GLG1: variants seen among roughly 807,000 people sequenced by gnomAD.
GLG1 encodes golgi glycoprotein 1.
In GLG1, 38 loss-of-function variants were observed where a neutral mutation model predicts 160.5. That is an observed-to-expected ratio of 0.24 (90% CI 0.18 to 0.31). GLG1 has a LOEUF of 0.31. GLG1 is among the 10% of genes least tolerant of loss of function. The probability of loss-of-function intolerance (pLI) is 1.00; values close to 1 mark genes in which losing one functional copy is unlikely to be tolerated. For synonymous variants in GLG1, 644 were observed against 543.4 expected, an observed-to-expected ratio of 1.19 and a Z score of -2.57; for missense variants, 1,373 against 1,505.2, an observed-to-expected ratio of 0.91 and a Z score of 1.45.
In GLG1 at chr16:74,519,346, C is replaced by A. The variant is rs183457677; in HGVS notation, c.472-10421G>T. 2.1e-3 allele frequency among the ~76,000 whole-genome samples: 283 copies of A among 136,152 alleles called. 4 individuals carry two copies. The East Asian group carries it at 0.049, about 23-fold the overall frequency. 89.3% of individuals were successfully genotyped at this position (136,152 alleles called of 152,430 possible). ...ACTGGGGCCTTTTGGGGGTGGGGGG[C>A]TAGGGGAGGGATAACATTAGGAGAA... On this transcript the variant is annotated intron_variant, in intron 2 of 25. Coordinates refer to ENST00000422840, the MANE Select transcript of GLG1 (RefSeq NM_001145667.2).
At chr16:74,513,648 G>C (rs572823330) in intron 2 of GLG1, among the ~76,000 whole-genome samples, 1 of 152,226 alleles carries the variant, frequency 6.6e-6, no homozygotes, top group East Asian at 1.9e-4. Flanking sequence ...CCATTCGTAG[G>C]TCACCAACAT....
At chr16:74,536,210 A>T (rs2017682853) in intron 1 of GLG1, among the ~76,000 whole-genome samples, 1 of 152,148 alleles carries the variant, frequency 6.6e-6, no homozygotes, top group African/African-American at 2.4e-5. Context: ...ACTTCATCAG[A>T]TATAGTACAT....
At chr16:74,601,013 CTTGA>C (rs760705087) in intron 1 of GLG1, among the ~76,000 whole-genome samples, 2 of 152,062 alleles carry the variant, frequency 1.3e-5, no homozygotes, top group East Asian at 3.9e-4. Context: ...TCAATAATGA[CTTGA>C]TTATGTGGTT....
intron 4 of GLG1, 77 bp downstream of exon 4, chr16:74,503,454 C>T: frequency 1.0e-6 from 1 of 971,004 alleles, no homozygotes; most frequent in Non-Finnish European, 1.6e-6. Context: ...CTAAATTTTT[C>T]CCATGTCAGT....
At chr16:74,520,125 T>C (rs2017114627) in intron 2 of GLG1, among the ~76,000 whole-genome samples, 2 of 152,252 alleles carry the variant, frequency 1.3e-5, no homozygotes, top group African/African-American at 4.8e-5. Context: ...CAAAATGTTC[T>C]GCTGTGTCCA....
At chr16:74,595,380 A>G (rs1365814064) in intron 1 of GLG1, among the ~76,000 whole-genome samples, 2 of 151,230 alleles carry the variant, frequency 1.3e-5, no homozygotes, top group Non-Finnish European at 2.9e-5. Context: ...TACTAAACAT[A>G]CAAAAAATTA....
chr16:74,528,701 A>T (rs2017423023), intron 2 of GLG1, among the ~76,000 whole-genome samples: 2 of 149,614 alleles, frequency 1.3e-5, no homozygotes, highest in South Asian at 4.3e-4. Flanking sequence ...AATCCCAGCT[A>T]CTCAGGAGGC....
intron 1 of GLG1, among the ~76,000 whole-genome samples, chr16:74,546,877 G>GT (rs537447550): frequency 1.7e-3 from 234 of 140,766 alleles, no homozygotes; most frequent in Non-Finnish European, 2.9e-3. Flanking sequence ...CTAGAAGTGG[G>GT]TAACATGTGA....
chr16:74,569,423 C>T (rs1567529793), intron 1 of GLG1, among the ~76,000 whole-genome samples: 1 of 152,212 alleles, frequency 6.6e-6, no homozygotes, highest in Non-Finnish European at 1.5e-5. Flanking sequence ...TATACCTGAA[C>T]TGAACAATGC....
At chr16:74,489,608 G>A (rs2015911692) in intron 8 of GLG1, among the ~76,000 whole-genome samples, 1 of 152,168 alleles carries the variant, frequency 6.6e-6, no homozygotes, top group Non-Finnish European at 1.5e-5. Context: ...TGGCACAGAG[G>A]TTTCCCAAGG....
intron 2 of GLG1, among the ~76,000 whole-genome samples, chr16:74,521,029 T>C (rs2017146988): frequency 6.6e-6 from 1 of 152,114 alleles, no homozygotes; most frequent in Non-Finnish European, 1.5e-5. Flanking sequence ...AGTAGGGGAA[T>C]GGGGTACTAT....
At chr16:74,572,767 T>C (rs1438072352) in intron 1 of GLG1, among the ~76,000 whole-genome samples, 1 of 152,128 alleles carries the variant, frequency 6.6e-6, no homozygotes, top group African/African-American at 2.4e-5. Context: ...CTCTAGCAAA[T>C]TCACTGAACC....
intron 2 of GLG1, among the ~76,000 whole-genome samples, chr16:74,516,837 T>C (rs1280001595): frequency 6.6e-6 from 1 of 150,966 alleles, no homozygotes; most frequent in Non-Finnish European, 1.5e-5. Context: ...GAGACAAGAA[T>C]CAAATAGACA....
rs2014232377 is a variant in GLG1 at position 74,450,186 on chromosome 16, TCTATTA to T, written c.*2975_*2980del. On this transcript the variant is annotated 3_prime_UTR_variant, in exon 26 of 26. Transcript: ENST00000422840. ...TTGGCAAAACCCCCTACCCTCTACT[TCTATTA>T]CTGTTGGTGGGCTACACATCAGGAG... The T allele has an allele frequency of 6.6e-6, 1 of 152,208 alleles. No individual in the cohort carries two copies. Among genetic ancestry groups the T allele is most frequent in the South Asian group, 2.1e-4 (1 of 4,832 alleles). 9.4% of individuals were successfully genotyped at this position (152,208 alleles called of 1,614,324 possible).
intron 1 of GLG1, among the ~76,000 whole-genome samples, chr16:74,553,244 T>A (rs1184277481): frequency 6.6e-6 from 1 of 151,064 alleles, no homozygotes; most frequent in Non-Finnish European, 1.5e-5. Flanking sequence ...AAATTTTTTT[T>A]AAAGACAGGG....
chr16:74,539,290 T>C lies in GLG1; in HGVS notation c.439-7137A>G, dbSNP rs2017769322. On this transcript the variant is annotated intron_variant, in intron 1 of 25. Transcript: ENST00000422840. ...CAAGTGGACGGTGGGATAACAGTTG[T>C]CAAATATTATATAGTTACTCCTATA... Among the ~76,000 whole-genome samples, 3 of 151,576 alleles carry C rather than the reference T, an allele frequency of 2.0e-5. No individual in the cohort carries two copies. The South Asian group carries it at 6.3e-4, about 32-fold the overall frequency.
chr16:74,479,238 CAAAA>C (rs11343790), intron 11 of GLG1, among the ~76,000 whole-genome samples: 1 of 85,748 alleles, frequency 1.2e-5, no homozygotes, highest in Non-Finnish European at 2.3e-5. Context: ...GGCTTTGTCT[CAAAA>C]AAAAAAAAAA....
chr16:74,522,007 C>T (rs1222054029), intron 2 of GLG1, among the ~76,000 whole-genome samples: 1 of 152,198 alleles, frequency 6.6e-6, no homozygotes, highest in African/African-American at 2.4e-5. Context: ...GTACGGCATC[C>T]CGATTGGGCA....
At chr16:74,472,112 C>T (rs953519767) in intron 14 of GLG1, among the ~76,000 whole-genome samples, 1 of 152,084 alleles carries the variant, frequency 6.6e-6, no homozygotes, top group East Asian at 1.9e-4. Flanking sequence ...TGCCATGTTG[C>T]CCAGGCTGGT....
Sources: gnomAD v4.1 joint callset for allele counts (sites outside exome capture counted in the v4.1 genomes callset) on GRCh38, gnomAD v4.1.1 for gene constraint, MANE v1.5 for transcripts, NCBI Gene and HGNC (gene_info 2026-07-23, HGNC 2026-07-21) for gene names.